STMN2: variants seen among roughly 807,000 people sequenced by gnomAD.
The protein encoded by STMN2 is stathmin 2, also known as stathmin-2.
Under a neutral mutation model 24.1 loss-of-function variants are expected in STMN2, and 2 were observed. That is an observed-to-expected ratio of 0.08 (90% confidence interval 0.03 to 0.26). The LOEUF is 0.26. Among genes scored for constraint, STMN2 ranks in the 10% least tolerant of loss-of-function variants. The pLI is 1.00. For synonymous variants in STMN2, 83 were observed against 77.5 expected (o/e 1.07, Z -0.37); for missense variants, 114 against 213.6 (o/e 0.53, Z 2.91).
intron 3 of STMN2, among the ~76,000 whole-genome samples, chr8:79,646,726 A>G (rs964825911): frequency 2.6e-5 from 4 of 152,212 alleles, no homozygotes; most frequent in Admixed American, 2.6e-4. Flanking sequence ...CATGAAGGAT[A>G]ATAAAGCCAT....
At chr8:79,635,997 G>A (rs761850245) in intron 1 of STMN2, among the ~76,000 whole-genome samples, 35 of 152,102 alleles carry the variant, frequency 2.3e-4, no homozygotes, top group East Asian at 1.9e-4. Flanking sequence ...TGGGTGGATT[G>A]CTTGAGCCCG....
At chr8:79,621,337 TTAGATA>T (rs1240295261) in intron 1 of STMN2, among the ~76,000 whole-genome samples, 8 of 152,204 alleles carry the variant, frequency 5.3e-5, no homozygotes, top group African/African-American at 1.7e-4. Flanking sequence ...TAAATTGTCA[TTAGATA>T]TAAATACCCA....
intron 1 of STMN2, chr8:79,631,409 GA>G (rs1809799836): frequency 2.0e-6 from 2 of 984,890 alleles, no homozygotes; most frequent in Non-Finnish European, 1.2e-6. Flanking sequence ...CCCTGGCTTA[GA>G]AAACCAAATT....
At position 79,664,867 on chromosome 8, in the gene STMN2, C is replaced by G; in HGVS notation, c.533C>G (p.Ser178Cys). The G allele has an allele frequency of 1.2e-6, 2 of 1,612,938 alleles. No individual in the cohort carries two copies. The highest frequency in any genetic ancestry group is 1.7e-6 in the Non-Finnish European group (2 of 1,179,482). The stretch of plus-strand genomic sequence containing the variant: ...AACAAGGAACTCCAGGTTGAACTGT[C>G]TGGCTGAAGCAAGGGAGGGTCTGGC... Reference protein sequence around the residue: ...RRNKELQVELSG With the variant: ...RRNKELQVELCG Residue 178 changes from serine (S) to cysteine (C), a missense_variant, in exon 5 of 5, where the codon TCT (serine) becomes TGT (cysteine). By Grantham distance (112) the Ser-to-Cys change is moderately radical (BLOSUM62 -1). Transcript: ENST00000220876.
intron 2 of STMN2, 46 bp downstream of exon 2, chr8:79,636,943 G>C: frequency 6.4e-7 from 1 of 1,559,652 alleles, no homozygotes; most frequent in South Asian, 1.1e-5. Flanking sequence ...AGATCATTTG[G>C]AAAGGTTGAC....
At chr8:79,622,626 A>G (rs1396619319) in intron 1 of STMN2, among the ~76,000 whole-genome samples, 2 of 152,166 alleles carry the variant, frequency 1.3e-5, no homozygotes, top group African/African-American at 4.8e-5. Context: ...AAATAAAAGT[A>G]TATTTCTCTT....
chr8:79,652,889 T>A (rs942556699), intron 3 of STMN2, among the ~76,000 whole-genome samples: 6 of 152,130 alleles, frequency 3.9e-5, no homozygotes. Context: ...ATAAGCAAAG[T>A]CTGTGTAGGA....
At chr8:79,612,069 CG>C (rs1265679241) in intron 1 of STMN2, among the ~76,000 whole-genome samples, 1 of 97,454 alleles carries the variant, frequency 1.0e-5, no homozygotes, top group Non-Finnish European at 2.2e-5. Context: ...CGCGCAGCCC[CG>C]CCCCCCCGCC....
chr8:79,631,414 C>T, intron 1 of STMN2: 2 of 985,048 alleles, frequency 2.0e-6, no homozygotes. Flanking sequence ...GCTTAGAAAA[C>T]CAAATTTTTG....
At chr8:79,654,847 G>A (rs753436008) in intron 3 of STMN2, 24 bp from the exon 4 acceptor site, 2 of 1,604,290 alleles carry the variant, frequency 1.2e-6, no homozygotes, top group African/African-American at 2.7e-5. Flanking sequence ...ATAATTATAA[G>A]ATGGCTATGT....
At position 79,632,941 on chromosome 8, in the gene STMN2, C is replaced by G. The variant is rs771355236; in HGVS notation, c.20-3861C>G. Among the ~76,000 whole-genome samples, 35 of 152,212 alleles carry G rather than the reference C, an allele frequency of 2.3e-4. 1 individual carries two copies. The highest frequency in any genetic ancestry group is 3.3e-4 in the Admixed American group (5 of 15,278). On this transcript the variant is annotated intron_variant, in intron 1 of 4. Coordinates refer to ENST00000220876, the MANE Select transcript of STMN2 (RefSeq NM_007029.4). ...TCTTTCATGAGTTAATCCCATCTTTCAAAGTGTTCAGTGGCTCCGAATTCA... is the reference window on the plus strand; with the variant it reads ...TCTTTCATGAGTTAATCCCATCTTTGAAAGTGTTCAGTGGCTCCGAATTCA...
chr8:79,641,465 C>G lies in STMN2; in HGVS notation c.203C>G (p.Pro68Arg), dbSNP rs780665022. The change falls in exon 3 of 5, where the codon CCA (proline) becomes CGA (arginine). Residue 68 changes from proline to arginine, a missense_variant. Coordinates refer to ENST00000220876, the MANE Select transcript of STMN2 (RefSeq NM_007029.4). ...LKPPSPISEA[P>R]RTLASPKKKD... ...CCACCATCTCCTATCTCAGAAGCCC[C>G]ACGAACTTTAGCTTCTCCAAAGAAG... 1 of 1,613,936 alleles carries G rather than the reference C, an allele frequency of 6.2e-7. No individual in the cohort carries two copies. Among genetic ancestry groups the G allele is most frequent in the African/African-American group, 1.3e-5 (1 of 74,896 alleles).
At chr8:79,660,265 C>A (rs1806475302) in intron 4 of STMN2, among the ~76,000 whole-genome samples, 1 of 152,130 alleles carries the variant, frequency 6.6e-6, no homozygotes, top group Non-Finnish European at 1.5e-5. Flanking sequence ...CCACTTAATC[C>A]AGATTGTATC....
chr8:79,664,757 C>A lies in STMN2; in HGVS notation c.481-58C>A. 7 of 1,570,556 alleles carry A rather than the reference C, an allele frequency of 4.5e-6. No individual in the cohort carries two copies. In the South Asian group the frequency reaches 8.0e-5, roughly 18 times the overall value. Reference sequence around the variant, plus strand: ...GTTACTTCTAGTCAAGCGCATGGTACGCAAAGGACCAGACAAAAAGGGCCT... The same window carrying A: ...GTTACTTCTAGTCAAGCGCATGGTAAGCAAAGGACCAGACAAAAAGGGCCT... On this transcript the variant is annotated intron_variant, in intron 4 of 4. Transcript: ENST00000220876.
At chr8:79,613,346 C>A in intron 1 of STMN2, 1 of 977,870 alleles carries the variant, frequency 1.0e-6, no homozygotes, top group Non-Finnish European at 1.2e-6. Context: ...GCGCAGCCAG[C>A]CCTGCAGAGC....
At chr8:79,655,748 C>T (rs1809441869) in intron 4 of STMN2, among the ~76,000 whole-genome samples, 2 of 152,226 alleles carry the variant, frequency 1.3e-5, no homozygotes, top group Non-Finnish European at 2.9e-5. Flanking sequence ...TGTCTCCCAC[C>T]TATCCCCTCA....
At chr8:79,649,239 AC>A (rs1440857180) in intron 3 of STMN2, among the ~76,000 whole-genome samples, 1 of 151,830 alleles carries the variant, frequency 6.6e-6, no homozygotes, top group Non-Finnish European at 1.5e-5. Flanking sequence ...CATTCAGGAA[AC>A]ATTCTGCTCC....
chr8:79,652,130 T>TA (rs1300420747), intron 3 of STMN2, among the ~76,000 whole-genome samples: 1 of 152,204 alleles, frequency 6.6e-6, no homozygotes, highest in Non-Finnish European at 1.5e-5. Context: ...GCACGGCACT[T>TA]AGAGAATGTT....
chr8:79,642,425 C>A (rs1357745131), intron 3 of STMN2, among the ~76,000 whole-genome samples: 1 of 152,140 alleles, frequency 6.6e-6, no homozygotes, highest in African/African-American at 2.4e-5. Flanking sequence ...AAATGGAATT[C>A]TTTTATGTAA....
Sources: allele counts gnomAD v4.1 joint callset (sites outside exome capture counted in the v4.1 genomes callset), GRCh38; gene constraint gnomAD v4.1.1; transcripts MANE v1.5; gene names NCBI Gene and HGNC (gene_info 2026-07-23, HGNC 2026-07-21).